Variants in FGF14 observed in about 807,000 individuals in gnomAD.
The protein encoded by FGF14 is fibroblast growth factor homologous factor 4.
In FGF14, 5 loss-of-function variants were observed where a neutral mutation model predicts 25.5. The ratio of observed to expected loss-of-function variants is 0.20; its 90% confidence interval spans 0.10 to 0.41. FGF14 has a LOEUF of 0.41. Ranked by LOEUF, FGF14 falls within the 10% of genes least tolerant of loss-of-function variation. The pLI, the probability that FGF14 is intolerant of heterozygous loss-of-function variation, is 1.00. For synonymous variants in FGF14, 138 were observed against 118.3 expected, an observed-to-expected ratio of 1.17 and a Z score of -1.08; for missense variants, 222 against 320.1, an observed-to-expected ratio of 0.69 and a Z score of 2.34.
intron 1 of FGF14, among the ~76,000 whole-genome samples, chr13:101,882,828 A>G (rs2045784768): frequency 6.6e-6 from 1 of 152,200 alleles, no homozygotes; most frequent in Non-Finnish European, 1.5e-5. Context: ...AGCTACTTCC[A>G]TTTAAAGAAA....
chr13:101,849,496 G>A (rs2043635841), intron 3 of FGF14, among the ~76,000 whole-genome samples: 1 of 151,976 alleles, frequency 6.6e-6, no homozygotes, highest in African/African-American at 2.4e-5. Context: ...CTAGGCACAG[G>A]GGCACTGATG....
intron 1 of FGF14, among the ~76,000 whole-genome samples, chr13:102,378,629 ATC>A (rs201111996): frequency 0.025 from 3,488 of 140,204 alleles, 57 homozygotes; most frequent in Middle Eastern, 0.051. Context: ...CTATCTATCT[ATC>A]TATATATATA....
chr13:101,895,871 G>A (rs2030582234), intron 1 of FGF14, among the ~76,000 whole-genome samples: 1 of 152,110 alleles, frequency 6.6e-6, no homozygotes, highest in African/African-American at 2.4e-5. Context: ...GAAAGTAAAT[G>A]GTCACGTTTC....
chr13:102,116,387 C>T (rs1050939935), intron 1 of FGF14, among the ~76,000 whole-genome samples: 2 of 151,722 alleles, frequency 1.3e-5, no homozygotes, highest in African/African-American at 4.8e-5. Flanking sequence ...TGTGTGTGTG[C>T]ATGTGTATAT....
intron 3 of FGF14, among the ~76,000 whole-genome samples, chr13:101,740,794 G>GT (rs1169703191): frequency 1.3e-5 from 2 of 152,012 alleles, no homozygotes; most frequent in African/African-American, 2.4e-5. Flanking sequence ...TTAGTAACCT[G>GT]TTTTTTATTT....
intron 1 of FGF14, among the ~76,000 whole-genome samples, chr13:101,881,923 A>T (rs1382979345): frequency 6.6e-6 from 1 of 152,152 alleles, no homozygotes; most frequent in Non-Finnish European, 1.5e-5. Context: ...TAACATAAAC[A>T]TTAGTAAGGA....
chr13:102,163,086 G>T lies in FGF14; in HGVS notation c.208+238385C>A, dbSNP rs143753226. On this transcript the variant is annotated intron_variant, in intron 1 of 4. Transcript: ENST00000376131. ...GTTTCCTCAAAGATACAATATATTT[G>T]ATTTTCTGTTTTAAAAAGCTCCAGT... is the stretch of plus-strand genomic sequence containing the variant. 3.3e-3 allele frequency among the ~76,000 whole-genome samples: 505 copies of T among 152,182 alleles called. 2 individuals carry two copies. The highest frequency in any genetic ancestry group is 0.021 in the South Asian group (100 of 4,818).
intron 3 of FGF14, among the ~76,000 whole-genome samples, chr13:101,819,540 G>GT (rs1361305613): frequency 6.6e-6 from 1 of 152,162 alleles, no homozygotes; most frequent in Non-Finnish European, 1.5e-5. Flanking sequence ...TAAATTACAA[G>GT]TAAATAAAAA....
chr13:102,298,336 T>A (rs2054839352), intron 1 of FGF14, among the ~76,000 whole-genome samples: 1 of 152,150 alleles, frequency 6.6e-6, no homozygotes, highest in Admixed American at 6.6e-5. Flanking sequence ...GGTGGAGCTA[T>A]CTCAAAGTAC....
At chr13:102,348,718 C>G (rs1945095722) in intron 1 of FGF14, among the ~76,000 whole-genome samples, 1 of 152,152 alleles carries the variant, frequency 6.6e-6, no homozygotes, top group African/African-American at 2.4e-5. Flanking sequence ...CACCTGGGAT[C>G]AAATGAATCA....
chr13:102,018,688 C>T (rs939591472), intron 1 of FGF14, among the ~76,000 whole-genome samples: 6 of 152,084 alleles, frequency 3.9e-5, no homozygotes, highest in East Asian at 1.9e-4. Context: ...ACTTATCCAT[C>T]GCCCTCCATC....
chr13:101,974,021 T>C (rs547928284), intron 1 of FGF14, among the ~76,000 whole-genome samples: 1 of 152,356 alleles, frequency 6.6e-6, no homozygotes, highest in African/African-American at 2.4e-5. Context: ...TTCATTGCAA[T>C]CTTTGAATGA....
At chr13:101,842,384 C>T (rs896392102) in intron 3 of FGF14, among the ~76,000 whole-genome samples, 2 of 151,942 alleles carry the variant, frequency 1.3e-5, no homozygotes, top group African/African-American at 2.4e-5. Context: ...ATTACCTGTA[C>T]AATATTAGTT....
intron 1 of FGF14, among the ~76,000 whole-genome samples, chr13:102,161,666 A>G (rs1337564897): frequency 1.5e-3 from 41 of 27,446 alleles, no homozygotes; most frequent in South Asian, 3.3e-3. Context: ...AAGAAGAAGA[A>G]GAAGAAGAAG....
At chr13:101,792,380 G>C (rs2140096361) in intron 3 of FGF14, among the ~76,000 whole-genome samples, 1 of 152,200 alleles carries the variant, frequency 6.6e-6, no homozygotes, top group South Asian at 2.1e-4. Context: ...GTGTCACTCA[G>C]GTTGACAACT....
At chr13:102,154,376 A>G (rs950487597) in intron 1 of FGF14, among the ~76,000 whole-genome samples, 10 of 151,700 alleles carry the variant, frequency 6.6e-5, no homozygotes, top group Non-Finnish European at 1.5e-4. Context: ...ATTCTTAAAG[A>G]AAAGAATTTT....
chr13:102,219,314 T>C (rs1566829597), intron 1 of FGF14, among the ~76,000 whole-genome samples: 1 of 152,114 alleles, frequency 6.6e-6, no homozygotes, highest in African/African-American at 2.4e-5. Flanking sequence ...TACATGGAGG[T>C]GCATTTTCTT....
chr13:101,855,716 C>T (rs866828654), intron 3 of FGF14, among the ~76,000 whole-genome samples: 8 of 151,998 alleles, frequency 5.3e-5, no homozygotes, highest in East Asian at 3.9e-4. Context: ...GAAGAACTGA[C>T]CATGAAGCAT....
Position 101,955,926 on chromosome 13 carries a change from C to T in FGF14, c.209-80630G>A, listed in dbSNP as rs140472876. 2.1e-3 allele frequency among the ~76,000 whole-genome samples: 313 copies of T among 152,290 alleles called. 1 individual carries two copies. Among genetic ancestry groups the T allele is most frequent in the South Asian group, 4.6e-3 (22 of 4,830 alleles). On this transcript the variant is annotated intron_variant, in intron 1 of 4. Coordinates refer to the FGF14 transcript ENST00000376131. ...CATAAACCAAAGACAATTGCTGCCT[C>T]GTGTTACCTAGACAAAGCAGAGGGG...
Sources: gnomAD v4.1 joint callset for allele counts (sites outside exome capture counted in the v4.1 genomes callset) on GRCh38, gnomAD v4.1.1 for gene constraint, MANE v1.5 for transcripts, NCBI Gene and HGNC (gene_info 2026-07-23, HGNC 2026-07-21) for gene names.